Variants in SOCS6 observed in about 807,000 individuals in gnomAD.
SOCS6 encodes the protein STAT induced STAT inhibitor-4.
In SOCS6, 5 loss-of-function variants were observed where a neutral mutation model predicts 27.7. The observed-to-expected ratio is 0.18, with a 90% CI of 0.09 to 0.38. SOCS6 has a LOEUF of 0.38. SOCS6 is among the 10% of genes least tolerant of loss of function. The probability of loss-of-function intolerance (pLI) is 1.00; values close to 1 mark genes in which losing one functional copy is unlikely to be tolerated. For missense variants in SOCS6, 595 were observed against 688.1 expected (o/e 0.86, Z 1.51); for synonymous variants, 271 against 260.0 (o/e 1.04, Z -0.41).
At position 70,328,594 on chromosome 18, in the gene SOCS6, G is replaced by C. The variant is rs1040059544; in HGVS notation, c.*2318G>C. 6.0e-6 allele frequency: 1 copy of C among 166,828 alleles called. No homozygotes were observed. The highest frequency in any genetic ancestry group is 1.5e-5 in the Non-Finnish European group (1 of 68,096). The allele number at this position is 166,828 out of a possible 1,614,324, so 10.3% of individuals were successfully genotyped here. A position where few individuals can be genotyped will look rare whatever the true frequency, so the allele number is the denominator to read the frequency against. On this transcript the variant is annotated 3_prime_UTR_variant, in exon 2 of 2. Coordinates refer to ENST00000397942, the MANE Select transcript of SOCS6 (RefSeq NM_004232.4). ...GAAAGCCAAATTTTGATGCGCTTTT[G>C]TATATTCATAATATATACTTTAATA...
At chr18:70,316,192 C>G (rs1390506685) in intron 1 of SOCS6, among the ~76,000 whole-genome samples, 1 of 152,094 alleles carries the variant, frequency 6.6e-6, no homozygotes, top group Non-Finnish European at 1.5e-5. Flanking sequence ...TTTGTGTTCA[C>G]TTTGAGATTT....
intron 1 of SOCS6, among the ~76,000 whole-genome samples, chr18:70,301,566 C>T (rs1253609675): frequency 2.0e-5 from 3 of 152,138 alleles, no homozygotes; most frequent in Non-Finnish European, 4.4e-5. Context: ...TAGTTTTGAA[C>T]TTGTGAAGTT....
At chr18:70,294,778 G>A (rs2062316168) in intron 1 of SOCS6, among the ~76,000 whole-genome samples, 1 of 152,216 alleles carries the variant, frequency 6.6e-6, no homozygotes, top group Non-Finnish European at 1.5e-5. Context: ...CAGTTCATTG[G>A]TGGGAGACCG....
intron 1 of SOCS6, among the ~76,000 whole-genome samples, chr18:70,311,317 C>T (rs1169844663): frequency 6.6e-6 from 1 of 152,174 alleles, no homozygotes; most frequent in Non-Finnish European, 1.5e-5. Flanking sequence ...AGGCATGAGG[C>T]TGATACTTTG....
At chr18:70,321,263 G>A (rs1352722245) in intron 1 of SOCS6, among the ~76,000 whole-genome samples, 1 of 146,952 alleles carries the variant, frequency 6.8e-6, no homozygotes, top group Non-Finnish European at 1.5e-5. Context: ...AACACAGCGA[G>A]ACTCTGATTC....
chr18:70,290,510 C>T (rs1417095047), intron 1 of SOCS6, among the ~76,000 whole-genome samples: 1 of 152,208 alleles, frequency 6.6e-6, no homozygotes, highest in Non-Finnish European at 1.5e-5. Context: ...TCTAATTTCT[C>T]CTCCTAGTGG....
intron 1 of SOCS6, among the ~76,000 whole-genome samples, chr18:70,322,218 A>G (rs1203542158): frequency 6.6e-6 from 1 of 152,246 alleles, no homozygotes; most frequent in Non-Finnish European, 1.5e-5. Flanking sequence ...CACGAGACAG[A>G]TGGTAATCCT....
At chr18:70,306,442 C>T (rs1299635759) in intron 1 of SOCS6, among the ~76,000 whole-genome samples, 2 of 133,088 alleles carry the variant, frequency 1.5e-5, no homozygotes, top group Admixed American at 1.7e-4. Context: ...GAGATCGTGC[C>T]ATTGCACTCC....
At chr18:70,289,329 CG>C (rs1040710840) in intron 1 of SOCS6, among the ~76,000 whole-genome samples, 4 of 148,540 alleles carry the variant, frequency 2.7e-5, no homozygotes, top group African/African-American at 9.8e-5. Context: ...GAACGGGGGC[CG>C]GGGCCAGTCC....
At chr18:70,313,670 A>C (rs1205334591) in intron 1 of SOCS6, among the ~76,000 whole-genome samples, 2 of 152,168 alleles carry the variant, frequency 1.3e-5, no homozygotes, top group Non-Finnish European at 2.9e-5. Context: ...CTTCTTGATG[A>C]CAGACTCTTC....
intron 1 of SOCS6, among the ~76,000 whole-genome samples, chr18:70,305,573 A>G (rs1212610232): frequency 6.6e-6 from 1 of 152,212 alleles, no homozygotes; most frequent in African/African-American, 2.4e-5. Context: ...TTTTAGGAAT[A>G]TTGTATCAAT....
At chr18:70,318,859 CTG>C (rs1250616404) in intron 1 of SOCS6, among the ~76,000 whole-genome samples, 1 of 151,920 alleles carries the variant, frequency 6.6e-6, no homozygotes, top group East Asian at 1.9e-4. Context: ...TCACTTGAAA[CTG>C]AGAGACAGAG....
intron 1 of SOCS6, among the ~76,000 whole-genome samples, chr18:70,302,290 G>T (rs1311042035): frequency 4.6e-5 from 7 of 152,046 alleles, no homozygotes; most frequent in Admixed American, 4.6e-4. Context: ...ATAGGAAGTT[G>T]GGCCATCTGC....
intron 1 of SOCS6, among the ~76,000 whole-genome samples, chr18:70,305,284 C>T (rs1050471717): frequency 1.3e-5 from 2 of 152,058 alleles, no homozygotes; most frequent in African/African-American, 4.8e-5. Context: ...TAATTCTTAC[C>T]TATGGTGTGA....
intron 1 of SOCS6, among the ~76,000 whole-genome samples, chr18:70,291,987 G>A (rs150740415): frequency 3.3e-5 from 5 of 152,286 alleles, no homozygotes; most frequent in African/African-American, 1.2e-4. Flanking sequence ...TTATTATGCT[G>A]TTTGGCGTGT....
intron 1 of SOCS6, among the ~76,000 whole-genome samples, chr18:70,290,490 C>G (rs761153494): frequency 1.3e-5 from 2 of 152,200 alleles, no homozygotes; most frequent in Non-Finnish European, 2.9e-5. Flanking sequence ...TAATACTTTT[C>G]CGTGGGCTTT....
intron 1 of SOCS6, among the ~76,000 whole-genome samples, chr18:70,323,216 G>A (rs999261302): frequency 5.3e-5 from 8 of 152,262 alleles, no homozygotes; most frequent in Admixed American, 2.6e-4. Flanking sequence ...CAAGTCAAGC[G>A]AATCACCTTG....
At chr18:70,312,866 C>T (rs186138767) in intron 1 of SOCS6, among the ~76,000 whole-genome samples, 24 of 150,818 alleles carry the variant, frequency 1.6e-4, no homozygotes, top group African/African-American at 4.4e-4. Context: ...CTCCGCCTCC[C>T]GGGTTCAAGC....
At chr18:70,321,740 G>A (rs1423889985) in intron 1 of SOCS6, among the ~76,000 whole-genome samples, 1 of 152,132 alleles carries the variant, frequency 6.6e-6, no homozygotes, top group Non-Finnish European at 1.5e-5. Flanking sequence ...TCTGAGACCA[G>A]AATGTTTGAG....
Sources: allele counts gnomAD v4.1 joint callset (sites outside exome capture counted in the v4.1 genomes callset), GRCh38; gene constraint gnomAD v4.1.1; transcripts MANE v1.5; gene names NCBI Gene and HGNC (gene_info 2026-07-23, HGNC 2026-07-21).